The following SLC22A16 variants were observed in gnomAD, a reference collection of about 807,000 sequenced individuals.
SLC22A16 encodes the protein WUGSC:RG331P03.1.
Under a neutral mutation model 52.9 loss-of-function variants are expected in SLC22A16, and 53 were observed. The observed-to-expected ratio is 1.00, with a 90% CI of 0.80 to 1.26. SLC22A16 has a LOEUF of 1.26. SLC22A16 is among the 50% of genes most tolerant of loss of function. The pLI is 0.00. For synonymous variants in SLC22A16, 291 were observed against 268.8 expected (o/e 1.08, Z -0.81); for missense variants, 726 against 704.0 (o/e 1.03, Z -0.35).
chr6:110,447,861 G>A (rs981505887), intron 2 of SLC22A16, among the ~76,000 whole-genome samples: 2 of 152,144 alleles, frequency 1.3e-5, no homozygotes, highest in African/African-American at 4.8e-5. Context: ...TTCTCTCTGA[G>A]TAGCACCATT....
intron 1 of SLC22A16, among the ~76,000 whole-genome samples, chr6:110,458,413 G>C (rs1016271488): frequency 6.6e-6 from 1 of 151,960 alleles, no homozygotes; most frequent in African/African-American, 2.4e-5. Flanking sequence ...ACGATCTCTC[G>C]TCTCCACACA....
intron 1 of SLC22A16, chr6:110,475,912 C>A (rs753130745): frequency 4.4e-6 from 2 of 456,494 alleles, no homozygotes; most frequent in Non-Finnish European, 8.8e-6. Flanking sequence ...AGCTTGTTTC[C>A]CAATCACTAA....
chr6:110,445,614 T>A (rs1354700928), intron 3 of SLC22A16, among the ~76,000 whole-genome samples: 2 of 152,214 alleles, frequency 1.3e-5, no homozygotes, highest in East Asian at 3.8e-4. Flanking sequence ...TAAGGCCACA[T>A]TTCACGGATG....
At chr6:110,476,433 A>G in intron 1 of SLC22A16, 89 bp downstream of exon 1, 1 of 1,402,654 alleles carries the variant, frequency 7.1e-7, no homozygotes, top group Non-Finnish European at 9.3e-7. Context: ...TCGGATCGCG[A>G]GCGCCGCGCG....
intron 1 of SLC22A16, among the ~76,000 whole-genome samples, chr6:110,462,107 CT>C (rs1411537715): frequency 6.6e-6 from 1 of 152,172 alleles, no homozygotes; most frequent in Non-Finnish European, 1.5e-5. Context: ...TTGTGAGACC[CT>C]TTTACTGTCA....
intron 1 of SLC22A16, among the ~76,000 whole-genome samples, chr6:110,466,944 G>C (rs939459125): frequency 6.6e-6 from 1 of 151,952 alleles, no homozygotes; most frequent in African/African-American, 2.4e-5. Context: ...TAGATAGATA[G>C]ATAGATAGAT....
chr6:110,425,074 C>T lies in SLC22A16; in HGVS notation c.1533G>A (p.Gly511=), dbSNP rs1351733369. Residue 511 remains glycine (G), a synonymous_variant, in exon 8 of 8, where the codon GGG becomes GGA. Transcript: ENST00000368919. The part of the protein sequence containing the change: ...IWIFIPQLFV[G]TMALLSGVLT... ...ACACTCCACTCAGGAGGGCCATAGT[C>T]CCAACAAACAACTAGAAGGAATTAA... The T allele has an allele frequency of 3.1e-6, 5 of 1,614,050 alleles. No homozygotes were observed. In the South Asian group the frequency reaches 5.5e-5, roughly 18 times the overall value.
intron 1 of SLC22A16, among the ~76,000 whole-genome samples, chr6:110,470,697 C>T (rs182439872): frequency 4.3e-4 from 65 of 152,254 alleles, no homozygotes; most frequent in Admixed American, 3.9e-3. Context: ...TGCACACACA[C>T]ACATACACCA....
chr6:110,453,966 C>A (rs1369391420), intron 2 of SLC22A16, among the ~76,000 whole-genome samples: 2 of 152,168 alleles, frequency 1.3e-5, no homozygotes, highest in East Asian at 3.9e-4. Flanking sequence ...CTTGCAGGAA[C>A]TAATCAATTC....
chr6:110,442,305 G>C lies in SLC22A16; in HGVS notation c.1122C>G (p.Tyr374Ter). Reference sequence around the variant, plus strand: ...AGTTAACAGAATTCAAGGAAAACGAGTAGAATCCCAAACTTCCAGTGAACC... The same window carrying C: ...AGTTAACAGAATTCAAGGAAAACGACTAGAATCCCAAACTTCCAGTGAACC... ...LIWFTGSLGF[Y>*]SFSLNSVNLG... The change falls in exon 4 of 8, where the codon TAC (tyrosine) becomes TAG (stop). Residue 374 changes from tyrosine (Y) to a stop codon, truncating the protein, a stop_gained. Transcript: ENST00000368919. LOFTEE classifies it high-confidence loss of function. 1 of 1,614,184 alleles carries C rather than the reference G, an allele frequency of 6.2e-7. No individual in the cohort carries two copies. The highest frequency in any genetic ancestry group is 8.5e-7 in the Non-Finnish European group (1 of 1,180,032).
chr6:110,449,027 G>A (rs898835301), intron 2 of SLC22A16, among the ~76,000 whole-genome samples: 3 of 151,928 alleles, frequency 2.0e-5, no homozygotes, highest in East Asian at 1.9e-4. Flanking sequence ...CTTTAGCCAC[G>A]TTGCATTTCC....
chr6:110,449,730 T>C (rs759101818), intron 2 of SLC22A16, among the ~76,000 whole-genome samples: 53 of 152,246 alleles, frequency 3.5e-4, no homozygotes, highest in Non-Finnish European at 5.3e-4. Flanking sequence ...TAGAAATGCC[T>C]CCCAAATATG....
At chr6:110,456,183 A>T (rs1159823223) in intron 2 of SLC22A16, 1 of 221,916 alleles carries the variant, frequency 4.5e-6, no homozygotes, top group Admixed American at 5.1e-5. Flanking sequence ...TTGAGTGATT[A>T]TATGTCCAGG....
At chr6:110,469,944 T>C (rs1250125632) in intron 1 of SLC22A16, among the ~76,000 whole-genome samples, 6 of 152,204 alleles carry the variant, frequency 3.9e-5, no homozygotes, top group African/African-American at 4.8e-5. Flanking sequence ...CTGCAAAACA[T>C]AGAAAACTGA....
chr6:110,451,565 T>A (rs1473971346), intron 2 of SLC22A16, among the ~76,000 whole-genome samples: 4 of 152,264 alleles, frequency 2.6e-5, no homozygotes, highest in Non-Finnish European at 5.9e-5. Flanking sequence ...TGGATTTTCT[T>A]TTCTATGAAG....
chr6:110,457,607 T>TAATTACTC (rs1418019752), intron 1 of SLC22A16, among the ~76,000 whole-genome samples: 5 of 152,180 alleles, frequency 3.3e-5, no homozygotes, highest in African/African-American at 1.2e-4. Flanking sequence ...TAGTTTGTAG[T>TAATTACTC]AATTACTCTT....
At chr6:110,451,164 C>T (rs1775365700) in intron 2 of SLC22A16, among the ~76,000 whole-genome samples, 2 of 152,206 alleles carry the variant, frequency 1.3e-5, no homozygotes, top group African/African-American at 2.4e-5. Context: ...TTCATGTCCA[C>T]ATATCCTACT....
intron 2 of SLC22A16, among the ~76,000 whole-genome samples, chr6:110,451,298 G>C (rs1289653902): frequency 6.6e-6 from 1 of 152,204 alleles, no homozygotes; most frequent in Admixed American, 6.5e-5. Context: ...CTGTGGACCT[G>C]TGCAAGAGCA....
rs1776495198 is a variant in SLC22A16 at position 110,476,526 on chromosome 6, C to G, written c.49G>C (p.Gly17Arg). Residue 17 changes from glycine (G) to arginine (R), a missense_variant, in exon 1 of 8, where the codon GGC becomes CGC. Gly to Arg is a moderately radical substitution (Grantham distance 125). Coordinates refer to ENST00000368919, the MANE Select transcript of SLC22A16 (RefSeq NM_033125.4). The stretch of plus-strand genomic sequence containing the variant: ...CGCGGGGCCCCTCCCCCATACCTGC[C>G]GAAGTGCCCCACGTGGTCATAAATC... ...EGIYDHVGHFGRFQRVLYFIC... is the reference protein window; with the variant it reads ...EGIYDHVGHFRRFQRVLYFIC... 6.7e-7 allele frequency: 1 copy of G among 1,488,030 alleles called. No individual in the cohort carries two copies. The highest frequency in any genetic ancestry group is 9.0e-7 in the Non-Finnish European group (1 of 1,114,184). The allele number at this position is 1,488,030 out of a possible 1,614,324, so 92.2% of individuals were successfully genotyped here. A position where few individuals can be genotyped will look rare whatever the true frequency, so the allele number is the denominator to read the frequency against.
Sources: allele counts gnomAD v4.1 joint callset (sites outside exome capture counted in the v4.1 genomes callset), GRCh38; gene constraint gnomAD v4.1.1; transcripts MANE v1.5; gene names NCBI Gene and HGNC (gene_info 2026-07-23, HGNC 2026-07-21).